CUX1: variants seen among roughly 807,000 people sequenced by gnomAD.
CUX1 encodes protein CASP.
In CUX1, 31 loss-of-function variants were observed where a neutral mutation model predicts 158.8. The observed-to-expected ratio is 0.20, with a 90% CI of 0.15 to 0.26. The LOEUF (loss-of-function observed/expected upper bound fraction) is 0.26. Among genes scored for constraint, CUX1 ranks in the 10% least tolerant of loss-of-function variants. CUX1 has a pLI of 1.00. For synonymous variants in CUX1, 879 were observed against 862.1 expected (o/e 1.02, Z -0.34); for missense variants, 1,589 against 2,014.6 (o/e 0.79, Z 4.04).
At chr7:102,131,188 A>T (rs571057596) in intron 8 of CUX1, among the ~76,000 whole-genome samples, 1 of 152,200 alleles carries the variant, frequency 6.6e-6, no homozygotes, top group East Asian at 1.9e-4. Flanking sequence ...GTTTCCGTGG[A>T]AAGCCCAAAT....
chr7:101,973,770 CTTTTTTTTTTTT>C (rs546846196), intron 2 of CUX1, among the ~76,000 whole-genome samples: 11 of 137,376 alleles, frequency 8.0e-5, no homozygotes, highest in Non-Finnish European at 1.6e-4. Flanking sequence ...TTTTCTTTTT[CTTTTTTTTTTTT>C]TTTTGAGACG....
At position 102,208,187 on chromosome 7, in the gene CUX1, C is replaced by T. The variant is rs111417352; in HGVS notation, c.3130+3017C>T. On this transcript the variant is annotated intron_variant, in intron 20 of 23. Transcript: ENST00000292535. ...TGGGTGACAGACGGAGACCCTGTCT[C>T]AAAAAAAAACAAAAGAGAAAAGAAA... 2.6e-3 allele frequency among the ~76,000 whole-genome samples: 381 copies of T among 146,996 alleles called. 3 individuals carry two copies. The highest frequency in any genetic ancestry group is 9.2e-3 in the African/African-American group (365 of 39,808).
chr7:102,042,107 G>A (rs1264543486), intron 3 of CUX1, among the ~76,000 whole-genome samples: 1 of 152,040 alleles, frequency 6.6e-6, no homozygotes, highest in Non-Finnish European at 1.5e-5. Context: ...CATCTTACCA[G>A]TACTTGCCTA....
intron 1 of CUX1, among the ~76,000 whole-genome samples, chr7:101,864,582 G>A (rs1291248404): frequency 2.7e-5 from 4 of 150,734 alleles, no homozygotes; most frequent in South Asian, 2.1e-4. Flanking sequence ...AGGGAGTCTC[G>A]CTCTGTCGCC....
chr7:101,937,198 C>T (rs1807045064), intron 2 of CUX1, among the ~76,000 whole-genome samples: 1 of 152,162 alleles, frequency 6.6e-6, no homozygotes, highest in African/African-American at 2.4e-5. Flanking sequence ...CCTGAAGACC[C>T]TGTACCGGGA....
intron 3 of CUX1, among the ~76,000 whole-genome samples, chr7:102,055,170 C>T (rs1310354883): frequency 2.6e-5 from 4 of 151,580 alleles, no homozygotes; most frequent in East Asian, 3.9e-4. Context: ...CAAATTTATT[C>T]GTAAGTATTT....
intron 1 of CUX1, among the ~76,000 whole-genome samples, chr7:101,870,793 T>A (rs903282312): frequency 6.6e-5 from 10 of 152,244 alleles, no homozygotes; most frequent in African/African-American, 2.4e-4. Flanking sequence ...CTTTTAAAGT[T>A]GTTTTCAGCT....
chr7:102,095,571 C>T (rs782380282), intron 4 of CUX1, among the ~76,000 whole-genome samples: 2 of 152,072 alleles, frequency 1.3e-5, no homozygotes, highest in Admixed American at 6.6e-5. Flanking sequence ...CTAAAGAGTC[C>T]CTGGCTCCTG....
chr7:102,250,123 CCGCAGAGCA>C lies in CUX1; in HGVS notation c.*1085_*1093del. ...TTATAATCTGCTTTTTAACCTCTAA[CCGCAGAGCA>C]CGCTGATCAGACCTCATATCTTGGA... On this transcript the variant is annotated 3_prime_UTR_variant, in exon 24 of 24. Transcript: ENST00000292535. 2.0e-6 allele frequency: 2 copies of C among 985,170 alleles called. No homozygotes were observed. The highest frequency in any genetic ancestry group is 2.4e-6 in the Non-Finnish European group (2 of 829,892). The allele number at this position is 985,170 out of a possible 1,614,324, so 61.0% of individuals were successfully genotyped here.
chr7:102,111,863 A>C lies in CUX1; in HGVS notation c.607+89A>C, dbSNP rs868966520. On this transcript the variant is annotated intron_variant, in intron 7 of 23. Transcript: ENST00000292535. Reference sequence around the variant, plus strand: ...CCCCTGACCGCCCCGGTCCCCGCGGATACCTGTTGCTCTTCGGGGCCGTGG... The same window carrying C: ...CCCCTGACCGCCCCGGTCCCCGCGGCTACCTGTTGCTCTTCGGGGCCGTGG... 5 of 1,193,934 alleles carry C rather than the reference A, an allele frequency of 4.2e-6. No homozygotes were observed. In the South Asian group the frequency reaches 5.1e-5, roughly 12 times the overall value. The allele number at this position is 1,193,934 out of a possible 1,614,324, so 74.0% of individuals were successfully genotyped here.
chr7:101,875,017 A>G (rs1213592139), intron 1 of CUX1, among the ~76,000 whole-genome samples: 1 of 152,036 alleles, frequency 6.6e-6, no homozygotes, highest in Non-Finnish European at 1.5e-5. Context: ...AATTTGTAAC[A>G]ATTCTGCTTG....
chr7:102,234,400 A>G (rs1799317316), intron 22 of CUX1, among the ~76,000 whole-genome samples, 160 bp downstream of exon 22: 1 of 152,146 alleles, frequency 6.6e-6, no homozygotes, highest in Non-Finnish European at 1.5e-5. Context: ...GCTAATGAGT[A>G]CCTAAGAGGG....
chr7:101,993,992 G>A (rs1212464898), intron 2 of CUX1, among the ~76,000 whole-genome samples: 1 of 152,164 alleles, frequency 6.6e-6, no homozygotes, highest in Non-Finnish European at 1.5e-5. Flanking sequence ...TGCAGACGTA[G>A]CACTCCCAGA....
intron 2 of CUX1, among the ~76,000 whole-genome samples, chr7:101,949,565 C>T (rs1390291666): frequency 1.4e-5 from 2 of 146,756 alleles, no homozygotes; most frequent in African/African-American, 5.1e-5. Flanking sequence ...GAGTCTCACT[C>T]TGTCGCCCAG....
intron 20 of CUX1, among the ~76,000 whole-genome samples, chr7:102,226,329 A>G (rs782117658): frequency 2.6e-5 from 4 of 152,226 alleles, no homozygotes; most frequent in Non-Finnish European, 4.4e-5. Flanking sequence ...GGTTGGAGGT[A>G]GAACTCTAAA....
intron 11 of CUX1, among the ~76,000 whole-genome samples, chr7:102,187,629 C>T (rs375413562): frequency 6.6e-6 from 1 of 151,616 alleles, no homozygotes; most frequent in African/African-American, 2.4e-5. Context: ...GATATGACCA[C>T]GTTTATGCAC....
chr7:102,207,292 G>A (rs1468920833), intron 20 of CUX1, among the ~76,000 whole-genome samples: 1 of 152,148 alleles, frequency 6.6e-6, no homozygotes, highest in South Asian at 2.1e-4. Context: ...GCAGATGGGT[G>A]TGTCTCCCCC....
At chr7:102,016,701 A>G (rs909906650) in intron 2 of CUX1, among the ~76,000 whole-genome samples, 2 of 152,182 alleles carry the variant, frequency 1.3e-5, no homozygotes, top group Admixed American at 6.5e-5. Flanking sequence ...CGGAATCCAC[A>G]TTGTTCCCAG....
chr7:101,959,016 T>C (rs1810125941), intron 2 of CUX1, among the ~76,000 whole-genome samples: 2 of 151,624 alleles, frequency 1.3e-5, no homozygotes, highest in Non-Finnish European at 2.9e-5. Flanking sequence ...CCAGCCACCA[T>C]GTCTGGCTAA....
Sources: allele counts gnomAD v4.1 joint callset (sites outside exome capture counted in the v4.1 genomes callset), GRCh38; gene constraint gnomAD v4.1.1; transcripts MANE v1.5; gene names NCBI Gene and HGNC (gene_info 2026-07-23, HGNC 2026-07-21).